SLCO2A1: variants seen among roughly 807,000 people sequenced by gnomAD.
The protein encoded by SLCO2A1 is solute carrier organic anion transporter family member 2A1, also known as matrin F/G 1.
A neutral mutation model predicts 71.7 loss-of-function variants in SLCO2A1; 60 were observed. The observed-to-expected ratio is 0.84, with a 90% CI of 0.68 to 1.04. SLCO2A1 has a LOEUF of 1.04. Ranked by LOEUF, SLCO2A1 falls within the 50% of genes least tolerant of loss-of-function variation. The pLI is 0.00. For synonymous variants in SLCO2A1, 308 were observed against 326.7 expected, an observed-to-expected ratio of 0.94 and a Z score of 0.62; for missense variants, 745 against 813.4, an observed-to-expected ratio of 0.92 and a Z score of 1.02.
intron 3 of SLCO2A1, among the ~76,000 whole-genome samples, chr3:133,971,188 C>T (rs1021164757): frequency 7.2e-5 from 11 of 152,220 alleles, no homozygotes; most frequent in African/African-American, 1.9e-4. Flanking sequence ...CCAGTCTTCA[C>T]GTGACGAGAA....
chr3:133,934,522 G>A lies in SLCO2A1; in HGVS notation c.*191C>T. On this transcript the variant is annotated 3_prime_UTR_variant, in exon 14 of 14. Transcript: ENST00000310926. ...CCCAGTTCTGGCCCACACAGCCCGG[G>A]TACACAGTGGCCCTTAGGAACTGTG... The A allele has an allele frequency of 1.9e-6, 1 of 519,646 alleles. No individual in the cohort carries two copies. Among genetic ancestry groups the A allele is most frequent in the South Asian group, 2.2e-5 (1 of 45,330 alleles). 32.2% of individuals were successfully genotyped at this position (519,646 alleles called of 1,614,324 possible).
At chr3:133,946,970 C>G (rs960186902) in intron 9 of SLCO2A1, among the ~76,000 whole-genome samples, 3 of 152,010 alleles carry the variant, frequency 2.0e-5, no homozygotes, top group African/African-American at 7.3e-5. Flanking sequence ...CAAAAATTAG[C>G]CGGGTGTGGT....
intron 10 of SLCO2A1, 89 bp from the exon 11 acceptor site, chr3:133,942,857 G>A (rs1242870237): frequency 1.5e-6 from 2 of 1,362,836 alleles, no homozygotes; most frequent in South Asian, 1.5e-5. Flanking sequence ...TCTTGTTGGA[G>A]ACTGAGGTTT....
chr3:134,002,557 A>G (rs1384118898), intron 1 of SLCO2A1, among the ~76,000 whole-genome samples: 2 of 152,230 alleles, frequency 1.3e-5, no homozygotes, highest in Non-Finnish European at 2.9e-5. Flanking sequence ...AGTGCTGCAT[A>G]TGAATCACTG....
At chr3:133,941,688 C>A (rs1312065942) in intron 11 of SLCO2A1, among the ~76,000 whole-genome samples, 1 of 151,964 alleles carries the variant, frequency 6.6e-6, no homozygotes, top group Non-Finnish European at 1.5e-5. Context: ...ACACCCCGCT[C>A]CTCCCCTCCA....
In SLCO2A1 at chr3:133,955,146, C is replaced by A; in HGVS notation, c.445G>T (p.Asp149Tyr). The change falls in exon 4 of 14, where the codon GAC becomes TAC. Residue 149 changes from aspartate to tyrosine, a missense_variant. Coordinates refer to ENST00000310926, the MANE Select transcript of SLCO2A1 (RefSeq NM_005630.3). ...QAELCQKHWQ[D>Y]LPPSKCHSTT... ...CTGTGGCACTTACTGGGAGGCAGGTCCTGCCAATGCTTCTGGCAGAGCTCG... is the reference window on the plus strand; with the variant it reads ...CTGTGGCACTTACTGGGAGGCAGGTACTGCCAATGCTTCTGGCAGAGCTCG... The A allele has an allele frequency of 1.2e-6, 2 of 1,614,106 alleles. No homozygotes were observed. Among genetic ancestry groups the A allele is most frequent in the Non-Finnish European group, 1.7e-6 (2 of 1,180,012 alleles).
intron 11 of SLCO2A1, among the ~76,000 whole-genome samples, chr3:133,940,193 C>T (rs1933383230): frequency 6.6e-6 from 1 of 152,158 alleles, no homozygotes; most frequent in African/African-American, 2.4e-5. Flanking sequence ...GTCTTGAACG[C>T]CTGACCTCAG....
In SLCO2A1 at chr3:133,979,537, C is replaced by G. The variant is rs1406040264; in HGVS notation, c.178G>C (p.Glu60Gln). The G allele has an allele frequency of 1.2e-6, 2 of 1,614,132 alleles. No individual in the cohort carries two copies. The highest frequency in any genetic ancestry group is 2.2e-5 in the South Asian group (2 of 91,082). Reference sequence around the variant, plus strand: ...GAACTGGAGAGCCCAAAGCGCTTCTCAATGGTGGTGAGGCTGCTCTTGAAG... The same window carrying G: ...GAACTGGAGAGCCCAAAGCGCTTCTGAATGGTGGTGAGGCTGCTCTTGAAG... Reference protein sequence around the residue: ...AYFKSSLTTIEKRFGLSSSSS... With the variant: ...AYFKSSLTTIQKRFGLSSSSS... The change falls in exon 2 of 14, where the codon GAG becomes CAG. Residue 60 changes from glutamate (E) to glutamine (Q), a missense_variant. Coordinates refer to ENST00000310926, the MANE Select transcript of SLCO2A1 (RefSeq NM_005630.3).
chr3:133,957,491 G>GC (rs1933925757), intron 3 of SLCO2A1, among the ~76,000 whole-genome samples: 1 of 152,148 alleles, frequency 6.6e-6, no homozygotes, highest in Non-Finnish European at 1.5e-5. Context: ...ATCCGAACCT[G>GC]CATGTGTCTG....
intron 1 of SLCO2A1, among the ~76,000 whole-genome samples, chr3:133,997,777 G>C (rs947007475): frequency 6.6e-6 from 1 of 152,208 alleles, no homozygotes; most frequent in African/African-American, 2.4e-5. Context: ...CAGAGGTTTG[G>C]CCTGAAGGCA....
intron 1 of SLCO2A1, among the ~76,000 whole-genome samples, chr3:133,981,240 A>G (rs1934581488): frequency 6.6e-6 from 1 of 152,140 alleles, no homozygotes; most frequent in Non-Finnish European, 1.5e-5. Flanking sequence ...GTCTCTGTCT[A>G]GAGACAGAGT....
intron 6 of SLCO2A1, among the ~76,000 whole-genome samples, chr3:133,949,919 C>T (rs1362249028): frequency 1.3e-5 from 2 of 152,120 alleles, no homozygotes; most frequent in East Asian, 3.9e-4. Flanking sequence ...CCTCGAACTC[C>T]TGGGCTCAAG....
At chr3:133,991,233 G>T (rs1043254379) in intron 1 of SLCO2A1, among the ~76,000 whole-genome samples, 25 of 152,214 alleles carry the variant, frequency 1.6e-4, no homozygotes, top group Non-Finnish European at 2.5e-4. Context: ...GCAGGGAGTA[G>T]CATCCTTCTC....
intron 1 of SLCO2A1, among the ~76,000 whole-genome samples, chr3:133,986,768 A>T (rs560098625): frequency 6.6e-6 from 1 of 152,364 alleles, no homozygotes; most frequent in South Asian, 2.1e-4. Flanking sequence ...GACATAAGTG[A>T]GATGACCATG....
chr3:133,984,724 T>C (rs914371435), intron 1 of SLCO2A1, among the ~76,000 whole-genome samples: 5 of 152,218 alleles, frequency 3.3e-5, no homozygotes, highest in Non-Finnish European at 7.3e-5. Flanking sequence ...GATGTATTGG[T>C]GGGAGGAAAA....
At chr3:134,022,877 C>G (rs2108080273) in intron 1 of SLCO2A1, among the ~76,000 whole-genome samples, 1 of 152,238 alleles carries the variant, frequency 6.6e-6, no homozygotes, top group Non-Finnish European at 1.5e-5. Flanking sequence ...GTCCACTGTC[C>G]AGGTCCCCAC....
intron 1 of SLCO2A1, among the ~76,000 whole-genome samples, chr3:133,986,289 C>T (rs1221676753): frequency 6.6e-6 from 1 of 152,212 alleles, no homozygotes; most frequent in East Asian, 1.9e-4. Flanking sequence ...CAATCATGAG[C>T]GTTGGCAATG....
intron 1 of SLCO2A1, among the ~76,000 whole-genome samples, chr3:133,984,715 A>G (rs1036005034): frequency 2.6e-5 from 4 of 152,166 alleles, no homozygotes; most frequent in Non-Finnish European, 4.4e-5. Context: ...GTACATGGAG[A>G]TGTATTGGTG....
At chr3:134,005,130 A>T (rs901505382) in intron 1 of SLCO2A1, among the ~76,000 whole-genome samples, 1 of 152,190 alleles carries the variant, frequency 6.6e-6, no homozygotes, top group African/African-American at 2.4e-5. Context: ...CAAATCCTTC[A>T]CACATTTCCT....
Sources: gnomAD v4.1 joint callset for allele counts (sites outside exome capture counted in the v4.1 genomes callset) on GRCh38, gnomAD v4.1.1 for gene constraint, MANE v1.5 for transcripts, NCBI Gene and HGNC (gene_info 2026-07-23, HGNC 2026-07-21) for gene names.